The following DNAH8 variants were observed in gnomAD, a reference collection of about 807,000 sequenced individuals.
DNAH8 encodes dynein axonemal heavy chain 8.
In DNAH8, 382 loss-of-function variants were observed where a neutral mutation model predicts 562.1. The observed-to-expected ratio is 0.68, with a 90% CI of 0.63 to 0.74. The LOEUF (loss-of-function observed/expected upper bound fraction) is 0.74, where lower values mean the gene tolerates loss of function less well. Ranked by LOEUF, DNAH8 falls within the 30% of genes least tolerant of loss-of-function variation. The probability of loss-of-function intolerance (pLI) is 0.00; values close to 1 mark genes in which losing one functional copy is unlikely to be tolerated. For synonymous variants in DNAH8, 1,881 were observed against 1,919.4 expected, an observed-to-expected ratio of 0.98 and a Z score of 0.52; for missense variants, 5,203 against 5,620.4, an observed-to-expected ratio of 0.93 and a Z score of 2.37.
rs537669618 is a variant in DNAH8 at position 38,972,510 on chromosome 6, G to T, written c.12525+845G>T. Among the ~76,000 whole-genome samples, 41 of 152,070 alleles carry T rather than the reference G, an allele frequency of 2.7e-4. 1 individual carries two copies. The highest frequency in any genetic ancestry group is 2.5e-3 in the Admixed American group (38 of 15,260). On this transcript the variant is annotated intron_variant, in intron 83 of 92. Coordinates refer to ENST00000327475, the MANE Select transcript of DNAH8 (RefSeq NM_001206927.2). ...AATTATACATAATTATTTTTACTCGGATCAAATGTTTCACTCTATTGAGTG... is the reference window on the plus strand; with the variant it reads ...AATTATACATAATTATTTTTACTCGTATCAAATGTTTCACTCTATTGAGTG...
intron 36 of DNAH8, 123 bp downstream of exon 36, chr6:38,845,896 G>T: frequency 1.3e-6 from 1 of 793,548 alleles, no homozygotes; most frequent in South Asian, 1.7e-5. Flanking sequence ...GTATTATCTT[G>T]TCTGTTCCTA....
At chr6:38,991,293 A>G (rs1441337356) in intron 88 of DNAH8, among the ~76,000 whole-genome samples, 4 of 152,112 alleles carry the variant, frequency 2.6e-5, no homozygotes, top group Non-Finnish European at 1.5e-5. Flanking sequence ...ATACCTACAA[A>G]TGCCAATGCT....
chr6:38,920,380 A>T (rs967629455), intron 70 of DNAH8, among the ~76,000 whole-genome samples: 1 of 152,214 alleles, frequency 6.6e-6, no homozygotes, highest in Non-Finnish European at 1.5e-5. Flanking sequence ...ATTGAGAATG[A>T]AAATAAGAAA....
intron 79 of DNAH8, among the ~76,000 whole-genome samples, chr6:38,942,177 C>T (rs530976494): frequency 3.9e-5 from 6 of 152,116 alleles, no homozygotes; most frequent in Non-Finnish European, 8.8e-5. Context: ...AGCCACCCAG[C>T]GTATGGTATT....
chr6:38,802,906 A>T (rs1770905176), intron 21 of DNAH8, among the ~76,000 whole-genome samples: 1 of 152,208 alleles, frequency 6.6e-6, no homozygotes, highest in African/African-American at 2.4e-5. Context: ...CTTTTCACCT[A>T]TGTGAATATC....
intron 74 of DNAH8, among the ~76,000 whole-genome samples, chr6:38,929,119 A>G (rs987178191): frequency 3.3e-5 from 5 of 152,130 alleles, no homozygotes; most frequent in Non-Finnish European, 5.9e-5. Flanking sequence ...CTCATCTTGT[A>G]GGGGTCCTGA....
At chr6:38,893,053 C>G (rs774622352) in intron 58 of DNAH8, among the ~76,000 whole-genome samples, 1 of 152,086 alleles carries the variant, frequency 6.6e-6, no homozygotes, top group Non-Finnish European at 1.5e-5. Context: ...TATTTGTTCC[C>G]TGTTCATTCT....
At chr6:38,845,097 C>T (rs1289736099) in intron 35 of DNAH8, among the ~76,000 whole-genome samples, 4 of 151,606 alleles carry the variant, frequency 2.6e-5, no homozygotes, top group African/African-American at 9.7e-5. Context: ...TATAGAAAAA[C>T]CCATAAGAAA....
chr6:38,905,188 C>T (rs1438366139), intron 62 of DNAH8, among the ~76,000 whole-genome samples: 2 of 152,206 alleles, frequency 1.3e-5, no homozygotes, highest in African/African-American at 4.8e-5. Flanking sequence ...CCATGGCCTA[C>T]TGCCCATTAC....
chr6:38,769,431 G>A (rs1767341661), intron 11 of DNAH8, among the ~76,000 whole-genome samples: 1 of 152,162 alleles, frequency 6.6e-6, no homozygotes, highest in South Asian at 2.1e-4. Flanking sequence ...CTCAAAGAGA[G>A]CAATGATAAT....
chr6:38,903,507 C>T (rs1338633404), intron 62 of DNAH8, among the ~76,000 whole-genome samples: 3 of 152,144 alleles, frequency 2.0e-5, no homozygotes, highest in Admixed American at 6.5e-5. Flanking sequence ...CAAGCCCCGC[C>T]TCCAACATTG....
chr6:38,883,597 GC>G, intron 55 of DNAH8, 141 bp downstream of exon 55: 1 of 1,025,740 alleles, frequency 9.7e-7, no homozygotes. Flanking sequence ...CAGCTGTTTA[GC>G]TTTCCTAAGG....
intron 91 of DNAH8, among the ~76,000 whole-genome samples, chr6:39,022,470 C>G (rs894823396): frequency 6.6e-5 from 10 of 152,176 alleles, no homozygotes; most frequent in African/African-American, 2.4e-4. Context: ...CCTTCTCAGC[C>G]CACTCAATCA....
At chr6:38,941,393 C>A (rs1048764405) in intron 79 of DNAH8, among the ~76,000 whole-genome samples, 1 of 152,218 alleles carries the variant, frequency 6.6e-6, no homozygotes. Context: ...GTGGAAACTT[C>A]GCAAACTATT....
chr6:38,842,234 G>T, intron 33 of DNAH8, 134 bp from the exon 34 acceptor site: 1 of 596,436 alleles, frequency 1.7e-6, no homozygotes, highest in Non-Finnish European at 2.7e-6. Context: ...GGATATAGTT[G>T]TATGCATTTG....
chr6:38,891,653 A>C (rs1309036660), intron 58 of DNAH8, among the ~76,000 whole-genome samples: 1 of 152,190 alleles, frequency 6.6e-6, no homozygotes, highest in Non-Finnish European at 1.5e-5. Flanking sequence ...ATGCCATTGC[A>C]CCTCTTTTAA....
At chr6:38,749,454 A>T (rs911644074) in intron 8 of DNAH8, among the ~76,000 whole-genome samples, 5 of 151,248 alleles carry the variant, frequency 3.3e-5, no homozygotes, top group African/African-American at 4.9e-5. Flanking sequence ...TGAGGGGTTG[A>T]TAGGGGCAGC....
Position 39,008,960 on chromosome 6 carries a change from T to G in DNAH8, c.13361T>G (p.Ile4454Ser). 6.2e-7 allele frequency: 1 copy of G among 1,608,528 alleles called. No homozygotes were observed. The highest frequency in any genetic ancestry group is 1.7e-4 in the Middle Eastern group (1 of 6,040). Residue 4454 changes from isoleucine to serine, a missense_variant, in exon 89 of 93, where the codon ATT (isoleucine) becomes AGT (serine). Ile to Ser is a moderately radical substitution (Grantham distance 142). Coordinates refer to ENST00000327475, the MANE Select transcript of DNAH8 (RefSeq NM_001206927.2). The part of the protein sequence containing the change: ...DMLSKLPPDY[I>S]PHEVKSRLIK... The stretch of plus-strand genomic sequence containing the variant: ...CTGAGTAAACTCCCTCCTGATTACA[T>G]TCCTCATGAGGTAAGTCTTGCTGGT...
intron 42 of DNAH8, 25 bp downstream of exon 42, chr6:38,857,767 A>C (rs773499107): frequency 2.8e-6 from 4 of 1,430,586 alleles, no homozygotes; most frequent in Non-Finnish European, 3.9e-6. Flanking sequence ...TTTTTAATTT[A>C]GTGTACTAAC....
Sources: gnomAD v4.1 joint callset for allele counts (sites outside exome capture counted in the v4.1 genomes callset) on GRCh38, gnomAD v4.1.1 for gene constraint, MANE v1.5 for transcripts, NCBI Gene and HGNC (gene_info 2026-07-23, HGNC 2026-07-21) for gene names.